Variants in CCND3 observed in about 807,000 individuals in gnomAD.
CCND3 encodes cyclin D3.
In CCND3, 9 loss-of-function variants were observed where a neutral mutation model predicts 28.7. The ratio of observed to expected loss-of-function variants is 0.31; its 90% CI spans 0.19 to 0.55. CCND3 has a LOEUF of 0.55. Among genes scored for constraint, CCND3 ranks in the 20% least tolerant of loss-of-function variants. CCND3 has a pLI of 0.93. For missense variants in CCND3, 315 were observed against 385.8 expected (o/e 0.82, Z 1.54); for synonymous variants, 164 against 163.9 (o/e 1.00, Z 0.00).
At chr6:42,034,472 T>TA (rs1764142113) in intron 1 of CCND3, among the ~76,000 whole-genome samples, 1 of 104,308 alleles carries the variant, frequency 9.6e-6, no homozygotes, top group Admixed American at 9.2e-5. Context: ...GTCACTCTTT[T>TA]TTTTTTTTTT....
At position 41,969,293 on chromosome 6, in the gene CCND3, C is replaced by T. The variant is rs566704578; in HGVS notation, c.-45-28708G>A. 3.3e-5 allele frequency among the ~76,000 whole-genome samples: 5 copies of T among 152,112 alleles called. No individual in the cohort carries two copies. In the East Asian group the frequency reaches 9.8e-4, roughly 30 times the overall value. On this transcript the variant is annotated intron_variant, in intron 1 of 4. Transcript: ENST00000372988. ...CTTTGGGAGGCCCAGGCGGGCGGAT[C>T]ACGAGGTCAAGAGATTGAGACCATC...
upstream of CCND3, among the ~76,000 whole-genome samples, chr6:41,943,062 C>T (rs997321844): frequency 2.0e-5 from 3 of 151,922 alleles, no homozygotes; most frequent in African/African-American, 4.8e-5. Flanking sequence ...TGGGGTTTCA[C>T]TATGTTGGCC....
Position 41,950,322 on chromosome 6 carries a change from C to T in CCND3, c.-45-9737G>A, listed in dbSNP as rs142453754. On this transcript the variant is annotated intron_variant, in intron 1 of 4. Transcript: ENST00000372988. ...CTGTCTTCGGTTCTTGGCTGGCAAG[C>T]ATTCCTCATTCTAGGCAGGAGATAG... Among the ~76,000 whole-genome samples the T allele has an allele frequency of 4.4e-3, 676 of 152,102 alleles. 9 individuals carry two copies. The highest frequency in any genetic ancestry group is 0.015 in the African/African-American group (608 of 41,488).
chr6:41,976,381 A>G (rs926775916), intron 1 of CCND3, among the ~76,000 whole-genome samples: 8 of 152,016 alleles, frequency 5.3e-5, no homozygotes, highest in Non-Finnish European at 1.2e-4. Flanking sequence ...GCTGGGTGTG[A>G]TAACACACAC....
chr6:41,959,753 G>A (rs905480644), intron 1 of CCND3, among the ~76,000 whole-genome samples: 12 of 151,718 alleles, frequency 7.9e-5, no homozygotes, highest in African/African-American at 2.7e-4. Flanking sequence ...GTCAGGAGCT[G>A]GAGATCAGCC....
chr6:42,021,069 G>C (rs535657343), intron 1 of CCND3, among the ~76,000 whole-genome samples: 19 of 152,212 alleles, frequency 1.2e-4, no homozygotes, highest in African/African-American at 4.1e-4. Context: ...CACTATCTTT[G>C]GTTTTAGTTA....
intron 1 of CCND3, among the ~76,000 whole-genome samples, chr6:41,987,402 C>G (rs758557911): frequency 6.6e-6 from 1 of 151,568 alleles, no homozygotes; most frequent in Admixed American, 6.6e-5. Flanking sequence ...TTATGGAGTA[C>G]TTCTGCTTAA....
intron 1 of CCND3, among the ~76,000 whole-genome samples, chr6:42,011,813 C>T (rs1763352752): frequency 6.6e-6 from 1 of 152,176 alleles, no homozygotes. Flanking sequence ...CCACCGACGA[C>T]AGCGCTCACC....
At chr6:41,959,174 A>C (rs1202851295) in intron 1 of CCND3, among the ~76,000 whole-genome samples, 2 of 152,150 alleles carry the variant, frequency 1.3e-5, no homozygotes, top group East Asian at 3.9e-4. Flanking sequence ...ATTAGCTGGG[A>C]GTGATAGCGC....
intron 1 of CCND3, among the ~76,000 whole-genome samples, chr6:42,020,110 C>G (rs1763655286): frequency 6.6e-6 from 1 of 152,060 alleles, no homozygotes; most frequent in South Asian, 2.1e-4. Context: ...AATCCCGTCT[C>G]TACTAAAAAT....
chr6:42,025,247 C>A (rs2095814752), intron 1 of CCND3, among the ~76,000 whole-genome samples: 1 of 152,148 alleles, frequency 6.6e-6, no homozygotes, highest in Non-Finnish European at 1.5e-5. Flanking sequence ...GCAGGGGGAC[C>A]TCTCTTCCAG....
intron 1 of CCND3, among the ~76,000 whole-genome samples, chr6:41,959,355 T>A (rs1156466241): frequency 6.6e-6 from 1 of 151,576 alleles, no homozygotes; most frequent in East Asian, 2.0e-4. Flanking sequence ...CAAACAAATG[T>A]CAGAGGATCA....
At chr6:41,974,885 C>T (rs1235916666) in intron 1 of CCND3, among the ~76,000 whole-genome samples, 1 of 151,340 alleles carries the variant, frequency 6.6e-6, no homozygotes, top group Admixed American at 6.6e-5. Flanking sequence ...CTCCGCCTCC[C>T]AGGTTCAAGC....
intron 1 of CCND3, among the ~76,000 whole-genome samples, chr6:41,954,250 TAAAAAAAAAA>T (rs34556754): frequency 5.7e-5 from 2 of 35,156 alleles, no homozygotes; most frequent in African/African-American, 1.3e-4. Flanking sequence ...GATTCTGCCT[TAAAAAAAAAA>T]AAAAAAAAAA....
At position 41,936,869 on chromosome 6, in the gene CCND3, T is replaced by C. The variant is rs1561949821; in HGVS notation, c.575-174A>G. ...AGCAAGGGAGGAAGACAGGAAAGAG[T>C]ATCTTTCCTAGAGATCAGAACCAAC... is the stretch of plus-strand genomic sequence containing the variant. On this transcript the variant is annotated intron_variant, in intron 3 of 4. Coordinates refer to ENST00000372991, the MANE Select transcript of CCND3 (RefSeq NM_001760.5). This position sits in a 1 kb window ranked among gnomAD's most constrained non-coding sequence, Gnocchi z 4.4. The C allele has an allele frequency of 1.5e-6, 1 of 649,692 alleles. No individual in the cohort carries two copies. The highest frequency in any genetic ancestry group is 2.9e-5 in the Admixed American group (1 of 33,920). The allele number at this position is 649,692 out of a possible 1,614,324, so 40.2% of individuals were successfully genotyped here. A position where few individuals can be genotyped will look rare whatever the true frequency, so the allele number is the denominator to read the frequency against.
In CCND3 at chr6:41,989,454, C is replaced by CAAA. The variant is rs35776222; in HGVS notation, c.-45-48872_-45-48870dup. Reference sequence around the variant, plus strand: ...GGGCGACAAGAGTGAAACACTGTCTCAAAAAAAAAAAACAAAAAAAAAAAA... The same window carrying CAAA: ...GGGCGACAAGAGTGAAACACTGTCTCAAAAAAAAAAAAAAACAAAAAAAAAAAA... On this transcript the variant is annotated intron_variant, in intron 1 of 4. Coordinates refer to the CCND3 transcript ENST00000372988. Among the ~76,000 whole-genome samples the CAAA allele has an allele frequency of 3.5e-3, 76 of 21,624 alleles. 11 individuals are homozygous for CAAA. Among genetic ancestry groups the CAAA allele is most frequent in the African/African-American group, 4.5e-3 (35 of 7,740 alleles). The allele number at this position is 21,624 out of a possible 152,430, so 14.2% of individuals were successfully genotyped here. A position where few individuals can be genotyped will look rare whatever the true frequency, so the allele number is the denominator to read the frequency against.
intron 1 of CCND3, among the ~76,000 whole-genome samples, chr6:41,976,410 TG>T (rs1762187958): frequency 6.6e-6 from 1 of 152,014 alleles, no homozygotes; most frequent in Admixed American, 6.6e-5. Flanking sequence ...CCAGATACTC[TG>T]GGGCTTGAGA....
intron 1 of CCND3, among the ~76,000 whole-genome samples, chr6:41,948,637 G>A (rs955315014): frequency 5.9e-5 from 9 of 151,908 alleles, no homozygotes; most frequent in African/African-American, 2.2e-4. Flanking sequence ...AGGAGTTCAA[G>A]ACCAGCCTGG....
intron 1 of CCND3, among the ~76,000 whole-genome samples, chr6:42,011,685 GA>G (rs1367317494): frequency 6.6e-6 from 1 of 152,152 alleles, no homozygotes; most frequent in Non-Finnish European, 1.5e-5. Context: ...CAGAATTGAA[GA>G]TGCAGAGTAC....
Sources: allele counts gnomAD v4.1 joint callset (sites outside exome capture counted in the v4.1 genomes callset), GRCh38; gene constraint gnomAD v4.1.1; non-coding constraint Gnocchi (gnomAD v3.1); transcripts MANE v1.5; gene names NCBI Gene and HGNC (gene_info 2026-07-23, HGNC 2026-07-21).